LIMA1: variants seen among roughly 807,000 people sequenced by gnomAD.
The protein encoded by LIMA1 is LIM domain and actin binding 1.
In LIMA1, 52 loss-of-function variants were observed where a neutral mutation model predicts 62.6. That is an observed-to-expected ratio of 0.83 (90% CI 0.67 to 1.05). The LOEUF is 1.05. Among genes scored for constraint, LIMA1 ranks in the 50% least tolerant of loss-of-function variants. The pLI, the probability that LIMA1 is intolerant of heterozygous loss-of-function variation, is 0.00. For missense variants in LIMA1, 780 were observed against 902.2 expected, an observed-to-expected ratio of 0.86 and a Z score of 1.74; for synonymous variants, 302 against 317.8, an observed-to-expected ratio of 0.95 and a Z score of 0.53.
rs74820163 is a variant in LIMA1 at position 50,195,893 on chromosome 12, A to C, written c.973-6T>G. 22 of 942,066 alleles carry C rather than the reference A, an allele frequency of 2.3e-5. No individual in the cohort carries two copies. In the African/African-American group the frequency reaches 2.6e-4, roughly 11 times the overall value. 58.4% of individuals were successfully genotyped at this position (942,066 alleles called of 1,614,324 possible). A position where few individuals can be genotyped will look rare whatever the true frequency, so the allele number is the denominator to read the frequency against. ...CTATTCTCATTTGCAGAAATCTACA[A>C]AAAAAAAAAAAAAAAAAAAGTTAGA... On this transcript the variant is annotated splice_polypyrimidine_tract_variant and splice_region_variant and intron_variant, in intron 7 of 10. Coordinates refer to ENST00000341247, the MANE Select transcript of LIMA1 (RefSeq NM_016357.5).
intron 4 of LIMA1, among the ~76,000 whole-genome samples, chr12:50,216,967 T>C (rs953819634): frequency 6.6e-6 from 1 of 152,082 alleles, no homozygotes; most frequent in Non-Finnish European, 1.5e-5. Flanking sequence ...CTTTAATCAA[T>C]TTTCATTATT....
At chr12:50,274,074 C>T (rs539944473) in intron 1 of LIMA1, among the ~76,000 whole-genome samples, 7 of 152,172 alleles carry the variant, frequency 4.6e-5, no homozygotes, top group Middle Eastern at 3.4e-3. Context: ...TGCTACCTTC[C>T]GAACTCCTCA....
chr12:50,240,037 ATAACATAACATAACATAAC>A (rs1233017332), intron 2 of LIMA1, among the ~76,000 whole-genome samples: 17 of 150,108 alleles, frequency 1.1e-4, no homozygotes, highest in South Asian at 6.6e-4. Context: ...ATAACATAAC[ATAACATAACATAACATAAC>A]ATAAAATAAA....
At chr12:50,252,068 T>C (rs966255963) in intron 1 of LIMA1, among the ~76,000 whole-genome samples, 2 of 152,184 alleles carry the variant, frequency 1.3e-5, no homozygotes, top group African/African-American at 4.8e-5. Flanking sequence ...CAAATATTTA[T>C]AGTACAAGAC....
intron 3 of LIMA1, chr12:50,224,156 C>T (rs1170903536): frequency 6.6e-6 from 1 of 152,222 alleles, no homozygotes; most frequent in Non-Finnish European, 1.5e-5. Flanking sequence ...TACCTTCTCT[C>T]CTGTAGTCTG....
chr12:50,267,306 C>G (rs1233041213), intron 1 of LIMA1, among the ~76,000 whole-genome samples: 3 of 151,992 alleles, frequency 2.0e-5, no homozygotes, highest in Non-Finnish European at 4.4e-5. Context: ...CTGCTGACCT[C>G]GTGATCCACC....
intron 7 of LIMA1, among the ~76,000 whole-genome samples, chr12:50,200,006 G>C (rs775356385): frequency 4.6e-5 from 7 of 151,902 alleles, no homozygotes; most frequent in Non-Finnish European, 7.4e-5. Context: ...CGATTCAACT[G>C]TCTCAGCCTC....
intron 1 of LIMA1, among the ~76,000 whole-genome samples, chr12:50,265,051 G>A (rs927240810): frequency 5.9e-5 from 9 of 151,812 alleles, no homozygotes; most frequent in Non-Finnish European, 8.8e-5. Context: ...TACTTGACAG[G>A]CTGAAGTGGG....
chr12:50,273,371 G>A (rs141346362), intron 1 of LIMA1, among the ~76,000 whole-genome samples: 47 of 152,250 alleles, frequency 3.1e-4, no homozygotes, highest in African/African-American at 1.0e-3. Context: ...GCTGGGTAGT[G>A]GTCTTTCAGT....
rs1941886888 is a variant in LIMA1, at chr12:50,248,746, T to C, written c.6A>G (p.Glu2=). M[E]SSPFNRRQWT... ...ATTGCCGTCTATTAAATGGAGATGA[T>C]TCCATCTTGTCTACAGACACTGAAA... is the stretch of plus-strand genomic sequence containing the variant. The change falls in exon 2 of 11, where the codon GAA becomes GAG. Residue 2 remains glutamate (E), a synonymous_variant. Transcript: ENST00000341247. The C allele has an allele frequency of 1.3e-6, 2 of 1,566,612 alleles. No homozygotes were observed. Among genetic ancestry groups the C allele is most frequent in the Non-Finnish European group, 8.8e-7 (1 of 1,136,736 alleles).
At chr12:50,244,379 A>G (rs567188473) in intron 2 of LIMA1, among the ~76,000 whole-genome samples, 14 of 152,296 alleles carry the variant, frequency 9.2e-5, no homozygotes, top group Middle Eastern at 3.4e-3. Context: ...CTGGGATTAC[A>G]GGTGTGAGCC....
chr12:50,235,620 G>A (rs1423826745), intron 2 of LIMA1, among the ~76,000 whole-genome samples: 1 of 152,020 alleles, frequency 6.6e-6, no homozygotes, highest in Non-Finnish European at 1.5e-5. Context: ...CATCTCAGTC[G>A]CCATGTAGTA....
At chr12:50,240,056 C>CATAAAATAAA (rs147194517) in intron 2 of LIMA1, among the ~76,000 whole-genome samples, 109 of 113,292 alleles carry the variant, frequency 9.6e-4, no homozygotes, top group African/African-American at 2.8e-3. Flanking sequence ...CATAACATAA[C>CATAAAATAAA]ATAAAATAAA....
chr12:50,229,013 T>C (rs562284807), intron 3 of LIMA1, among the ~76,000 whole-genome samples: 1 of 152,346 alleles, frequency 6.6e-6, no homozygotes, highest in South Asian at 2.1e-4. Context: ...CAAGCCACTG[T>C]GGCAGAGCCA....
chr12:50,198,851 C>A (rs1452791924), intron 7 of LIMA1, among the ~76,000 whole-genome samples: 1 of 152,170 alleles, frequency 6.6e-6, no homozygotes, highest in Non-Finnish European at 1.5e-5. Context: ...TTCAATTAAG[C>A]CATTCATCTA....
intron 2 of LIMA1, among the ~76,000 whole-genome samples, chr12:50,246,290 T>C (rs1941848787): frequency 6.6e-6 from 1 of 150,620 alleles, no homozygotes; most frequent in Non-Finnish European, 1.5e-5. Context: ...AGAATGCATG[T>C]CATGCATGTC....
At chr12:50,229,257 G>T (rs1056532782) in intron 3 of LIMA1, among the ~76,000 whole-genome samples, 1 of 152,022 alleles carries the variant, frequency 6.6e-6, no homozygotes, top group African/African-American at 2.4e-5. Context: ...GGTTGCCCAG[G>T]CTAGTCTTGA....
chr12:50,228,316 C>T (rs940912597), intron 3 of LIMA1, among the ~76,000 whole-genome samples: 2 of 152,184 alleles, frequency 1.3e-5, no homozygotes, highest in Non-Finnish European at 2.9e-5. Flanking sequence ...GGGTCAACTT[C>T]TCTTAACCCA....
intron 3 of LIMA1, among the ~76,000 whole-genome samples, chr12:50,230,418 A>G (rs1334483743): frequency 6.6e-6 from 1 of 152,128 alleles, no homozygotes; most frequent in Admixed American, 6.6e-5. Flanking sequence ...TGTGCTTGGC[A>G]TGTAGTAGGT....
Sources: gnomAD v4.1 joint callset for allele counts (sites outside exome capture counted in the v4.1 genomes callset) on GRCh38, gnomAD v4.1.1 for gene constraint, MANE v1.5 for transcripts, NCBI Gene and HGNC (gene_info 2026-07-23, HGNC 2026-07-21) for gene names.